The following LRP1B variants were observed in gnomAD, a reference collection of about 807,000 sequenced individuals.
LRP1B encodes low-density lipoprotein receptor-related protein 1B.
In LRP1B, 217 loss-of-function variants were observed where a neutral mutation model predicts 556.6. The ratio of observed to expected loss-of-function variants is 0.39; its 90% CI spans 0.35 to 0.44. LRP1B has a LOEUF of 0.44. LRP1B is among the 20% of genes least tolerant of loss of function. LRP1B has a pLI of 1.00. For missense variants in LRP1B, 5,053 were observed against 5,620.8 expected (o/e 0.90, Z 3.23); for synonymous variants, 2,047 against 1,865.8 (o/e 1.10, Z -2.50).
chr2:140,285,710 C>T (rs1683118103), intron 84 of LRP1B, among the ~76,000 whole-genome samples: 1 of 151,676 alleles, frequency 6.6e-6, no homozygotes, highest in Admixed American at 6.6e-5. Context: ...TAACCTTTAA[C>T]AAGATTAGAA....
At chr2:141,141,717 T>C (rs1336340475) in intron 7 of LRP1B, among the ~76,000 whole-genome samples, 1 of 152,096 alleles carries the variant, frequency 6.6e-6, no homozygotes, top group Non-Finnish European at 1.5e-5. Flanking sequence ...CATTAAAACA[T>C]GTAAAGAGAG....
chr2:141,590,030 T>C (rs1273061341), intron 2 of LRP1B, among the ~76,000 whole-genome samples: 2 of 152,184 alleles, frequency 1.3e-5, no homozygotes, highest in Non-Finnish European at 2.9e-5. Flanking sequence ...TCAAAATGTC[T>C]GTTTTGAAAT....
chr2:140,296,451 A>G (rs1247354299), intron 84 of LRP1B, among the ~76,000 whole-genome samples: 1 of 152,178 alleles, frequency 6.6e-6, no homozygotes, highest in African/African-American at 2.4e-5. Context: ...TTAGAGTGAT[A>G]ACAAGCTGTC....
chr2:140,541,020 C>T lies in LRP1B; in HGVS notation c.7466G>A (p.Cys2489Tyr). 1 of 1,611,804 alleles carries T rather than the reference C, an allele frequency of 6.2e-7. No individual in the cohort carries two copies. The highest frequency in any genetic ancestry group is 8.5e-7 in the Non-Finnish European group (1 of 1,178,450). The change falls in exon 45 of 91, where the codon TGT becomes TAT. Residue 2489 changes from cysteine to tyrosine, a missense_variant. Cys to Tyr is a radical substitution (Grantham distance 194). This residue lies in a region of LRP1B where 3,619 missense variants were observed against 3,931.9 expected (regional missense o/e 0.92). Transcript: ENST00000389484. Reference protein sequence around the residue: ...CLLTPNGRVNCSCRGDRILLE... With the variant: ...CLLTPNGRVNYSCRGDRILLE... ...CAATATTCGGTCCCCTCTGCAGGAA[C>T]AATTCACTCTCCCATTGGGAGTTAA...
At chr2:141,818,280 A>G (rs1207401677) in intron 1 of LRP1B, among the ~76,000 whole-genome samples, 2 of 152,200 alleles carry the variant, frequency 1.3e-5, no homozygotes, top group African/African-American at 4.8e-5. Context: ...GTAATGTAAC[A>G]AGAACAATGT....
At chr2:141,772,275 T>A (rs1694925755) in intron 2 of LRP1B, among the ~76,000 whole-genome samples, 1 of 152,180 alleles carries the variant, frequency 6.6e-6, no homozygotes, top group South Asian at 2.1e-4. Flanking sequence ...ACCTATGGTA[T>A]CCTGTTATAG....
chr2:141,551,729 C>T (rs1685757089), intron 2 of LRP1B, among the ~76,000 whole-genome samples: 1 of 151,896 alleles, frequency 6.6e-6, no homozygotes, highest in African/African-American at 2.4e-5. Context: ...AAATTTGGCC[C>T]TATGAAAAAT....
intron 3 of LRP1B, among the ~76,000 whole-genome samples, chr2:141,358,505 A>G (rs549040053): frequency 6.6e-6 from 1 of 152,306 alleles, no homozygotes; most frequent in South Asian, 2.1e-4. Flanking sequence ...TGAAAGGAGA[A>G]TGGAGAAATA....
intron 1 of LRP1B, among the ~76,000 whole-genome samples, chr2:141,920,040 A>G (rs771089162): frequency 2.0e-5 from 3 of 151,930 alleles, no homozygotes; most frequent in African/African-American, 4.8e-5. Context: ...TTCTTTCTGG[A>G]ACATGTAACC....
chr2:141,146,349 G>A (rs543857995), intron 7 of LRP1B, among the ~76,000 whole-genome samples: 1 of 152,186 alleles, frequency 6.6e-6, no homozygotes, highest in African/African-American at 2.4e-5. Context: ...TTTCTAATAT[G>A]TTTGGAGGGA....
At chr2:141,996,210 CAA>C (rs66563468) in intron 1 of LRP1B, among the ~76,000 whole-genome samples, 31 of 35,994 alleles carry the variant, frequency 8.6e-4, no homozygotes, top group African/African-American at 3.1e-3. Flanking sequence ...GAGCGAGACT[CAA>C]AAAAAAAAAA....
chr2:141,739,765 G>T (rs973700017), intron 2 of LRP1B, among the ~76,000 whole-genome samples: 1 of 151,128 alleles, frequency 6.6e-6, no homozygotes, highest in Non-Finnish European at 1.5e-5. Flanking sequence ...TTAAAATAAG[G>T]TATTCACCCA....
chr2:142,061,453 A>G (rs921160887), intron 1 of LRP1B, among the ~76,000 whole-genome samples: 2 of 152,036 alleles, frequency 1.3e-5, no homozygotes, highest in Non-Finnish European at 2.9e-5. Context: ...AATACAATAA[A>G]GTATTATGCC....
At chr2:141,421,343 ACGGTGAAACCC>A (rs1680132920) in intron 3 of LRP1B, among the ~76,000 whole-genome samples, 2 of 151,814 alleles carry the variant, frequency 1.3e-5, no homozygotes, top group South Asian at 4.1e-4. Flanking sequence ...CCCGGCTAAA[ACGGTGAAACCC>A]CGTCTCTACT....
intron 6 of LRP1B, among the ~76,000 whole-genome samples, chr2:141,219,502 A>G (rs1682948122): frequency 1.3e-5 from 2 of 152,258 alleles, no homozygotes; most frequent in East Asian, 1.9e-4. Flanking sequence ...AATTTAGTGG[A>G]CCTAGTCTTT....
rs2105305192 is a variant in LRP1B at position 140,444,655 on chromosome 2, C to T, written c.10082G>A (p.Arg3361Gln). 6.2e-7 allele frequency: 1 copy of T among 1,613,658 alleles called. No homozygotes were observed. The highest frequency in any genetic ancestry group is 8.5e-7 in the Non-Finnish European group (1 of 1,179,698). The part of the protein sequence containing the change: ...DCPEFRCQPG[R>Q]FQCGTGLCAL... ...ACAGAGTCCAGTCCCACACTGAAATCGGCCTGGCTGACATCTAAATTCAGC... is the reference window on the plus strand; with the variant it reads ...ACAGAGTCCAGTCCCACACTGAAATTGGCCTGGCTGACATCTAAATTCAGC... The change falls in exon 64 of 91, where the codon CGA (arginine) becomes CAA (glutamine). Residue 3361 changes from arginine to glutamine, a missense_variant. By Grantham distance (43) the Arg-to-Gln change is conservative. Transcript: ENST00000389484.
intron 18 of LRP1B, among the ~76,000 whole-genome samples, chr2:140,969,590 C>T (rs78802349): frequency 1.2e-4 from 18 of 152,214 alleles, no homozygotes; most frequent in African/African-American, 3.9e-4. Context: ...TTAATTTGCT[C>T]GTCAGTTGAT....
At chr2:141,473,337 T>C (rs1208699228) in intron 3 of LRP1B, among the ~76,000 whole-genome samples, 5 of 152,186 alleles carry the variant, frequency 3.3e-5, no homozygotes, top group Non-Finnish European at 5.9e-5. Flanking sequence ...CCTAATTTCA[T>C]GTAGGTGTCA....
chr2:140,672,653 G>T (rs1029120302), intron 41 of LRP1B, among the ~76,000 whole-genome samples: 3 of 151,980 alleles, frequency 2.0e-5, no homozygotes. Flanking sequence ...TGATGGGTTT[G>T]CAGATAAATA....
Sources: gnomAD v4.1 joint callset for allele counts (sites outside exome capture counted in the v4.1 genomes callset) on GRCh38, gnomAD v4.1.1 for gene constraint, gnomAD v4.1.1 regional missense constraint, MANE v1.5 for transcripts, NCBI Gene and HGNC (gene_info 2026-07-23, HGNC 2026-07-21) for gene names.